SLC35A1: variants seen among roughly 807,000 people sequenced by gnomAD.
The protein encoded by SLC35A1 is solute carrier family 35 member A1, also known as CMP-sialic acid transporter.
SLC35A1 carries 21 observed loss-of-function variants against 40.3 expected under a neutral mutation model. The ratio of observed to expected loss-of-function variants is 0.52; its 90% CI spans 0.37 to 0.75. The LOEUF (loss-of-function observed/expected upper bound fraction) is 0.75, where lower values mean the gene tolerates loss of function less well. Among genes scored for constraint, SLC35A1 ranks in the 30% least tolerant of loss-of-function variants. The pLI, the probability that SLC35A1 is intolerant of heterozygous loss-of-function variation, is 0.00. For synonymous variants in SLC35A1, 146 were observed against 147.3 expected (o/e 0.99, Z 0.06); for missense variants, 297 against 382.1 (o/e 0.78, Z 1.86).
chr6:87,511,377 C>CTAT (rs1234663051), intron 7 of SLC35A1, 22 bp from the exon 8 acceptor site: 2 of 1,610,060 alleles, frequency 1.2e-6, no homozygotes, highest in African/African-American at 2.7e-5. Flanking sequence ...ACAGATAAAG[C>CTAT]TATTTTTTTT....
At chr6:87,481,980 A>G (rs1056588732) in intron 2 of SLC35A1, among the ~76,000 whole-genome samples, 2 of 152,216 alleles carry the variant, frequency 1.3e-5, no homozygotes, top group Non-Finnish European at 2.9e-5. Context: ...CCTTTTACCA[A>G]AAGTATATTT....
chr6:87,497,750 A>G (rs141816427), intron 2 of SLC35A1, among the ~76,000 whole-genome samples: 1 of 151,864 alleles, frequency 6.6e-6, no homozygotes, highest in Non-Finnish European at 1.5e-5. Flanking sequence ...TTTAAAAGAG[A>G]TGGTATCTTA....
intron 2 of SLC35A1, among the ~76,000 whole-genome samples, chr6:87,490,713 A>G (rs1769526280): frequency 6.6e-6 from 1 of 152,226 alleles, no homozygotes; most frequent in South Asian, 2.1e-4. Flanking sequence ...AAATATGAGG[A>G]AAGCACTGAA....
At chr6:87,496,680 T>G (rs1288595970) in intron 2 of SLC35A1, among the ~76,000 whole-genome samples, 1 of 149,610 alleles carries the variant, frequency 6.7e-6, no homozygotes, top group Non-Finnish European at 1.5e-5. Context: ...CTTGGGAGGC[T>G]GAAGCAGGAG....
At chr6:87,473,414 C>G (rs924512887) in intron 1 of SLC35A1, among the ~76,000 whole-genome samples, 1 of 152,194 alleles carries the variant, frequency 6.6e-6, no homozygotes, top group African/African-American at 2.4e-5. Context: ...GCTCCGGTCT[C>G]CTCTGCGCCT....
intron 2 of SLC35A1, among the ~76,000 whole-genome samples, chr6:87,485,780 A>T (rs2300904): frequency 0.4 from 59,972 of 151,806 alleles, 12,040 homozygotes; most frequent in Admixed American, 0.47. Context: ...AAAAAAAATT[A>T]GAAGAACTTA....
chr6:87,503,931 A>G (rs1469098410), intron 4 of SLC35A1, among the ~76,000 whole-genome samples: 2 of 152,184 alleles, frequency 1.3e-5, no homozygotes, highest in Non-Finnish European at 2.9e-5. Context: ...GCTGGTAATC[A>G]ATGTAACAAT....
In SLC35A1 at chr6:87,506,395, CATT is replaced by C. The variant is rs760516743; in HGVS notation, c.526_528del (p.Leu176del). ...TTAATATTGCAGGTGGAACAAAATC[CATT>C]ATTAGGGTTTGGCGCTATAGCTATT... is the stretch of plus-strand genomic sequence containing the variant. On this transcript the variant is annotated inframe_deletion, in exon 5 of 8. Coordinates refer to ENST00000369552, the MANE Select transcript of SLC35A1 (RefSeq NM_006416.5). 1.9e-6 allele frequency: 3 copies of C among 1,613,158 alleles called. No individual in the cohort carries two copies. In the African/African-American group the frequency reaches 4.0e-5, roughly 22 times the overall value.
chr6:87,476,561 C>A (rs368985559), intron 1 of SLC35A1, among the ~76,000 whole-genome samples: 2 of 151,888 alleles, frequency 1.3e-5, no homozygotes, highest in East Asian at 3.9e-4. Flanking sequence ...CTCTTCCCTA[C>A]TAAAAATACA....
At chr6:87,494,476 G>T (rs927627286) in intron 2 of SLC35A1, among the ~76,000 whole-genome samples, 1 of 149,290 alleles carries the variant, frequency 6.7e-6, no homozygotes, top group African/African-American at 2.5e-5. Flanking sequence ...AGGCTGGAGT[G>T]CAGTGGTGTG....
chr6:87,500,524 G>C lies in SLC35A1; in HGVS notation c.211G>C (p.Gly71Arg), dbSNP rs983909888. 6.2e-7 allele frequency: 1 copy of C among 1,613,824 alleles called. No homozygotes were observed. Among genetic ancestry groups the C allele is most frequent in the South Asian group, 1.1e-5 (1 of 91,074 alleles). The change falls in exon 3 of 8, where the codon GGT (glycine) becomes CGT (arginine). Residue 71 changes from glycine (G) to arginine (R), a missense_variant. Transcript: ENST00000369552. ...TTTTCAAAGAGAAACTGGTAGTCTG[G>C]GTAGATTCAAAGCATCTTTAAGAGA... The part of the protein sequence containing the change: ...GILAKETGSL[G>R]RFKASLRENV...
intron 2 of SLC35A1, among the ~76,000 whole-genome samples, chr6:87,495,613 T>C (rs1288663156): frequency 1.3e-5 from 2 of 152,086 alleles, no homozygotes; most frequent in Non-Finnish European, 2.9e-5. Context: ...TGTCCTCAAA[T>C]TGACCTCATT....
At chr6:87,499,844 A>T (rs776293399) in intron 2 of SLC35A1, among the ~76,000 whole-genome samples, 5 of 152,224 alleles carry the variant, frequency 3.3e-5, no homozygotes, top group Non-Finnish European at 7.3e-5. Flanking sequence ...GGCCAGGTGC[A>T]GTGGCTCACG....
chr6:87,484,782 A>G (rs2284908), intron 2 of SLC35A1, among the ~76,000 whole-genome samples: 94,401 of 151,958 alleles, frequency 0.62, 30,613 homozygotes, highest in African/African-American at 0.81. Flanking sequence ...GGTGCTTTAC[A>G]AAGAAGTTAA....
intron 2 of SLC35A1, among the ~76,000 whole-genome samples, chr6:87,485,282 AAAT>A (rs1439612074): frequency 6.6e-6 from 1 of 152,226 alleles, no homozygotes; most frequent in African/African-American, 2.4e-5. Context: ...TGTAATGTTA[AAAT>A]AATTGTGTAG....
intron 2 of SLC35A1, among the ~76,000 whole-genome samples, chr6:87,480,747 G>A (rs572359900): frequency 7.8e-6 from 1 of 128,860 alleles, no homozygotes; most frequent in Admixed American, 8.5e-5. Context: ...TAGGCACTGT[G>A]TTAGGAAAGG....
chr6:87,479,334 C>G (rs1562017781), intron 2 of SLC35A1, among the ~76,000 whole-genome samples: 1 of 152,166 alleles, frequency 6.6e-6, no homozygotes, highest in Admixed American at 6.6e-5. Flanking sequence ...AGTGCCATTT[C>G]TATGAGCACT....
chr6:87,490,878 AATC>A (rs1582178594), intron 2 of SLC35A1, among the ~76,000 whole-genome samples: 1 of 152,248 alleles, frequency 6.6e-6, no homozygotes, highest in East Asian at 1.9e-4. Flanking sequence ...ACCAACTAGT[AATC>A]ATTGTCAAAA....
intron 2 of SLC35A1, among the ~76,000 whole-genome samples, chr6:87,478,939 C>G (rs538739945): frequency 6.6e-6 from 1 of 152,212 alleles, no homozygotes; most frequent in South Asian, 2.1e-4. Context: ...TGTCGTTCCC[C>G]TATTGGCTAG....
Sources: allele counts gnomAD v4.1 joint callset (sites outside exome capture counted in the v4.1 genomes callset), GRCh38; gene constraint gnomAD v4.1.1; transcripts MANE v1.5; gene names NCBI Gene and HGNC (gene_info 2026-07-23, HGNC 2026-07-21).